The following CDC73 variants were observed in gnomAD, a reference collection of about 807,000 sequenced individuals.
CDC73 encodes the protein parafibromin.
Under a neutral mutation model 83.7 loss-of-function variants are expected in CDC73, and 21 were observed. That is an observed-to-expected ratio of 0.25 (90% CI 0.18 to 0.36). The LOEUF (loss-of-function observed/expected upper bound fraction) is 0.36, where lower values mean the gene tolerates loss of function less well. CDC73 is among the 10% of genes least tolerant of loss of function. CDC73 has a pLI of 1.00. For synonymous variants in CDC73, 224 were observed against 212.9 expected (o/e 1.05, Z -0.45); for missense variants, 342 against 653.3 (o/e 0.52, Z 5.19).
chr1:193,187,948 A>G (rs372472709), intron 10 of CDC73, among the ~76,000 whole-genome samples: 1 of 152,224 alleles, frequency 6.6e-6, no homozygotes, highest in African/African-American at 2.4e-5. Context: ...ATATCCACCC[A>G]TACTGCAATT....
At chr1:193,211,961 A>T (rs902889612) in intron 11 of CDC73, 104 bp from the exon 12 acceptor site, 3 of 836,396 alleles carry the variant, frequency 3.6e-6, no homozygotes, top group African/African-American at 3.4e-5. Context: ...ACAGTTAGTC[A>T]TATGGGAATA....
At chr1:193,191,502 G>A (rs568795961) in intron 10 of CDC73, among the ~76,000 whole-genome samples, 2 of 151,812 alleles carry the variant, frequency 1.3e-5, no homozygotes, top group Non-Finnish European at 2.9e-5. Context: ...ATTCTCCTTC[G>A]TCAGCCACCC....
chr1:193,149,834 T>A (rs915823537), intron 8 of CDC73, among the ~76,000 whole-genome samples: 3 of 152,188 alleles, frequency 2.0e-5, no homozygotes, highest in Non-Finnish European at 2.9e-5. Flanking sequence ...TGACAGCCTT[T>A]TCTAATTATT....
Position 193,125,196 on chromosome 1 carries a change from T to C in CDC73, c.216T>C (p.Pro72=), listed in dbSNP as rs560439847. ...TTAATAACGTGCACCTTTCTCATCC[T>C]GTTTATGTCCGACGTGCAGCTGTAA... ...FLLNNVHLSH[P]VYVRRAATEN... is the part of the protein sequence containing the mutation. The change falls in exon 2 of 17, where the codon CCT becomes CCC. Residue 72 remains proline, a synonymous_variant. Transcript: ENST00000367435. 14 of 1,585,470 alleles carry C rather than the reference T, an allele frequency of 8.8e-6. No individual in the cohort carries two copies. The South Asian group carries it at 1.4e-4, about 16-fold the overall frequency.
chr1:193,192,524 A>G (rs1305793370), intron 10 of CDC73, among the ~76,000 whole-genome samples: 1 of 152,220 alleles, frequency 6.6e-6, no homozygotes, highest in African/African-American at 2.4e-5. Flanking sequence ...TGAAGAAAGA[A>G]GGGAACATTG....
chr1:193,234,201 A>ACG (rs1677712523), intron 14 of CDC73, among the ~76,000 whole-genome samples: 1 of 63,496 alleles, frequency 1.6e-5, no homozygotes, highest in African/African-American at 5.1e-5. Flanking sequence ...ACACACACAC[A>ACG]CACACACACA....
intron 15 of CDC73, among the ~76,000 whole-genome samples, chr1:193,237,414 A>T (rs1446028812): frequency 6.6e-6 from 1 of 152,176 alleles, no homozygotes; most frequent in Non-Finnish European, 1.5e-5. Context: ...CCTTCTTGGA[A>T]GGCTGGGAGG....
intron 3 of CDC73, among the ~76,000 whole-genome samples, chr1:193,133,131 G>C (rs538334593): frequency 6.6e-6 from 1 of 152,068 alleles, no homozygotes; most frequent in South Asian, 2.1e-4. Context: ...TCTATCTCCT[G>C]ACCTTGTGAT....
chr1:193,163,159 G>A (rs1365954419), intron 10 of CDC73, among the ~76,000 whole-genome samples: 4 of 150,740 alleles, frequency 2.7e-5, no homozygotes, highest in African/African-American at 9.8e-5. Flanking sequence ...GGTTGTGTGT[G>A]TGTGTGTGTG....
At chr1:193,234,200 CACACACACACACACACACACAT>C (rs1677712455) in intron 14 of CDC73, among the ~76,000 whole-genome samples, 1 of 53,730 alleles carries the variant, frequency 1.9e-5, no homozygotes, top group African/African-American at 7.1e-5. Flanking sequence ...CACACACACA[CACACACACACACACACACACAT>C]ATATATATTT....
intron 6 of CDC73, among the ~76,000 whole-genome samples, chr1:193,139,707 T>G (rs558773385): frequency 5.8e-4 from 89 of 152,316 alleles, no homozygotes; most frequent in East Asian, 3.1e-3. Context: ...AGCTTTTTTT[T>G]GGGACACAGT....
intron 10 of CDC73, among the ~76,000 whole-genome samples, chr1:193,172,366 A>G (rs917450679): frequency 6.6e-6 from 1 of 152,012 alleles, no homozygotes; most frequent in Admixed American, 6.6e-5. Context: ...TGCAGTGGAA[A>G]GATAAGCAGT....
chr1:193,177,422 C>T (rs184066325), intron 10 of CDC73, among the ~76,000 whole-genome samples: 263 of 145,006 alleles, frequency 1.8e-3, no homozygotes, highest in African/African-American at 6.1e-3. Flanking sequence ...CCCAGCTATT[C>T]GGGAGGCTGA....
chr1:193,238,477 C>A (rs924324894), intron 15 of CDC73, among the ~76,000 whole-genome samples: 4 of 152,186 alleles, frequency 2.6e-5, no homozygotes, highest in South Asian at 2.1e-4. Flanking sequence ...GAATTTGATT[C>A]TGTTGACTCC....
At chr1:193,227,222 AT>A (rs941595191) in intron 13 of CDC73, among the ~76,000 whole-genome samples, 2 of 151,340 alleles carry the variant, frequency 1.3e-5, no homozygotes, top group Non-Finnish European at 3.0e-5. Context: ...TATCTTTTCT[AT>A]TTTTTTATTT....
At chr1:193,187,689 A>G (rs1278516878) in intron 10 of CDC73, among the ~76,000 whole-genome samples, 1 of 152,162 alleles carries the variant, frequency 6.6e-6, no homozygotes, top group Non-Finnish European at 1.5e-5. Flanking sequence ...CACCATTAAT[A>G]TATGCTATTT....
chr1:193,222,350 G>T (rs1677487151), intron 13 of CDC73, among the ~76,000 whole-genome samples: 1 of 152,138 alleles, frequency 6.6e-6, no homozygotes, highest in Non-Finnish European at 1.5e-5. Context: ...CATGAGGCCT[G>T]GGAAAAAGTC....
intron 3 of CDC73, among the ~76,000 whole-genome samples, chr1:193,131,883 A>G (rs1558280832): frequency 6.6e-6 from 1 of 152,138 alleles, no homozygotes; most frequent in East Asian, 1.9e-4. Context: ...ATATAGTGCC[A>G]TCCTGATTTA....
Position 193,233,222 on chromosome 1 carries a change from C to A in CDC73, c.1316+68C>A, listed in dbSNP as rs148381747. The A allele has an allele frequency of 4.0e-5, 56 of 1,408,792 alleles. No homozygotes were observed. The African/African-American group carries it at 7.6e-4, about 19-fold the overall frequency. The allele number at this position is 1,408,792 out of a possible 1,614,324, so 87.3% of individuals were successfully genotyped here. A position where few individuals can be genotyped will look rare whatever the true frequency, so the allele number is the denominator to read the frequency against. On this transcript the variant is annotated intron_variant, in intron 14 of 16. Transcript: ENST00000367435. Reference sequence around the variant, plus strand: ...CCCAAGAGAATGAATGTTGTTATTGCCGTTGATGACGTTGCTTTTTAAGAG... The same window carrying A: ...CCCAAGAGAATGAATGTTGTTATTGACGTTGATGACGTTGCTTTTTAAGAG...
Sources: gnomAD v4.1 joint callset for allele counts (sites outside exome capture counted in the v4.1 genomes callset) on GRCh38, gnomAD v4.1.1 for gene constraint, MANE v1.5 for transcripts, NCBI Gene and HGNC (gene_info 2026-07-23, HGNC 2026-07-21) for gene names.